Variants in SLC14A2 observed in about 807,000 individuals in gnomAD.
SLC14A2 encodes the protein solute carrier family 14 member 2, also known as urea transporter 2.
In SLC14A2, 91 loss-of-function variants were observed where a neutral mutation model predicts 104.6. That is an observed-to-expected ratio of 0.87 (90% CI 0.73 to 1.04). The LOEUF (loss-of-function observed/expected upper bound fraction) is 1.04, where lower values mean the gene tolerates loss of function less well. Ranked by LOEUF, SLC14A2 falls within the 50% of genes least tolerant of loss-of-function variation. The pLI, the probability that SLC14A2 is intolerant of heterozygous loss-of-function variation, is 0.00. For synonymous variants in SLC14A2, 476 were observed against 466.4 expected (o/e 1.02, Z -0.27); for missense variants, 1,189 against 1,156.0 (o/e 1.03, Z -0.41).
Position 45,672,993 on chromosome 18 carries a change from T to G in SLC14A2, c.2323T>G (p.Ser775Ala). The G allele has an allele frequency of 6.2e-7, 1 of 1,614,152 alleles. No homozygotes were observed. The highest frequency in any genetic ancestry group is 1.1e-5 in the South Asian group (1 of 91,082). ...GIFLIALFIS[S>A]PLICLHAAIG... ...CTTCCTCATAGCTCTGTTCATATCCTCACCTCTCATTTGCTTGCATGCAGC... is the reference window on the plus strand; with the variant it reads ...CTTCCTCATAGCTCTGTTCATATCCGCACCTCTCATTTGCTTGCATGCAGC... The change falls in exon 17 of 20, where the codon TCA becomes GCA. Residue 775 changes from serine to alanine, a missense_variant. Coordinates refer to ENST00000255226, the MANE Select transcript of SLC14A2 (RefSeq NM_007163.4).
intron 1 of SLC14A2, among the ~76,000 whole-genome samples, chr18:45,224,229 C>T (rs972928290): frequency 2.6e-5 from 4 of 152,190 alleles, no homozygotes; most frequent in Admixed American, 6.5e-5. Flanking sequence ...GCTGCCCAGC[C>T]GTAGGCTGCT....
chr18:45,273,478 A>G (rs111559697), intron 1 of SLC14A2, among the ~76,000 whole-genome samples: 9 of 152,280 alleles, frequency 5.9e-5, no homozygotes, highest in African/African-American at 1.9e-4. Flanking sequence ...AGAATTTCCC[A>G]GGAGAAAAGC....
chr18:45,508,851 G>GCC lies in SLC14A2; in HGVS notation c.-35+25529_-35+25530insCC, dbSNP rs1214080897. Among the ~76,000 whole-genome samples the GCC allele has an allele frequency of 6.8e-4, 103 of 152,294 alleles. 1 individual carries two copies. Among genetic ancestry groups the GCC allele is most frequent in the African/African-American group, 2.3e-3 (95 of 41,564 alleles). ...CCTACTCCAGGGAATTAACAAACTG[G>GCC]TCTTGCAAATGAGACAAAAATATGT... On this transcript the variant is annotated intron_variant, in intron 2 of 20. Coordinates refer to the SLC14A2 transcript ENST00000586448.
intron 2 of SLC14A2, among the ~76,000 whole-genome samples, chr18:45,521,222 C>T (rs1003537970): frequency 6.6e-6 from 1 of 152,240 alleles, no homozygotes; most frequent in Non-Finnish European, 1.5e-5. Context: ...GCTTCTACAT[C>T]ATCTTGATTA....
chr18:45,405,766 G>A (rs2086147546), intron 1 of SLC14A2, among the ~76,000 whole-genome samples: 1 of 151,978 alleles, frequency 6.6e-6, no homozygotes, highest in African/African-American at 2.4e-5. Flanking sequence ...GGGCATTGTG[G>A]CACACACCTG....
the SLC14A2 span, among the ~76,000 whole-genome samples, chr18:45,205,686 T>C: frequency 6.6e-6 from 1 of 152,238 alleles, no homozygotes; most frequent in Non-Finnish European, 1.5e-5. Context: ...TTTAGAAATC[T>C]TTTCTGTTTT....
chr18:45,288,730 G>A lies in SLC14A2; in HGVS notation c.-125+75539G>A, dbSNP rs8082952. Among the ~76,000 whole-genome samples, 405 of 152,274 alleles carry A rather than the reference G, an allele frequency of 2.7e-3. 3 individuals carry two copies. Among genetic ancestry groups the A allele is most frequent in the African/African-American group, 9.3e-3 (385 of 41,526 alleles). The stretch of plus-strand genomic sequence containing the variant: ...ATAATTCTTCAGTGACTGACAGAGC[G>A]TCATTCTGCAAGTGCAGACAACCTG... On this transcript the variant is annotated intron_variant, in intron 1 of 20. Coordinates refer to the SLC14A2 transcript ENST00000586448.
intron 4 of SLC14A2, among the ~76,000 whole-genome samples, chr18:45,627,703 G>A (rs879625682): frequency 3.9e-5 from 6 of 152,144 alleles, no homozygotes; most frequent in Admixed American, 2.6e-4. Context: ...ACTGGCTGGT[G>A]CAAAGTCAAG....
intron 2 of SLC14A2, chr18:45,515,511 A>G (rs1044350393): frequency 4.6e-5 from 7 of 152,244 alleles, no homozygotes; most frequent in African/African-American, 1.7e-4. Flanking sequence ...GGGCACCAGG[A>G]GACACAATGC....
intron 8 of SLC14A2, among the ~76,000 whole-genome samples, chr18:45,641,830 A>G (rs2045533477): frequency 6.6e-6 from 1 of 152,242 alleles, no homozygotes. Flanking sequence ...TACCAGGAGC[A>G]CTAAAAATCA....
intron 1 of SLC14A2, among the ~76,000 whole-genome samples, chr18:45,338,871 T>A (rs774111744): frequency 6.6e-6 from 1 of 152,064 alleles, no homozygotes; most frequent in Admixed American, 6.5e-5. Flanking sequence ...AGGGGACCGA[T>A]TGGGTTCCTA....
Position 45,643,066 on chromosome 18 carries a change from GC to G in SLC14A2, c.1127-65del, listed in dbSNP as rs990638938. ...GTTCTTGGTCTGGGCTCCCTGGTCT[GC>G]AATGGCAGTGGCTTAGGGGGAAGGC... On this transcript the variant is annotated intron_variant, in intron 8 of 19. Coordinates refer to ENST00000255226, the MANE Select transcript of SLC14A2 (RefSeq NM_007163.4). 6.5e-5 allele frequency: 96 copies of G among 1,476,198 alleles called. No individual in the cohort carries two copies. The African/African-American group carries it at 1.0e-3, about 16-fold the overall frequency. 91.4% of individuals were successfully genotyped at this position (1,476,198 alleles called of 1,614,324 possible).
the SLC14A2 span, among the ~76,000 whole-genome samples, chr18:45,207,369 AAAG>A: frequency 6.8e-6 from 1 of 147,708 alleles, no homozygotes; most frequent in Non-Finnish European, 1.5e-5. Flanking sequence ...AGGGAGGGGA[AAAG>A]AAGGAAGGAA....
upstream of SLC14A2, among the ~76,000 whole-genome samples, chr18:45,209,663 A>T (rs1006967909): frequency 6.6e-6 from 1 of 152,132 alleles, no homozygotes; most frequent in African/African-American, 2.4e-5. Context: ...TCTAATGTGT[A>T]ACCTTGGACT....
At chr18:45,381,354 T>C (rs1443752061) in intron 1 of SLC14A2, among the ~76,000 whole-genome samples, 1 of 152,218 alleles carries the variant, frequency 6.6e-6, no homozygotes, top group African/African-American at 2.4e-5. Context: ...AACAAACATA[T>C]CTTTGACCAA....
intron 1 of SLC14A2, among the ~76,000 whole-genome samples, chr18:45,447,890 T>A (rs1284067195): frequency 6.6e-6 from 1 of 152,250 alleles, no homozygotes; most frequent in Non-Finnish European, 1.5e-5. Context: ...AATTACCACT[T>A]CAGTGAGCCC....
chr18:45,494,072 G>A (rs1367485562), intron 2 of SLC14A2, among the ~76,000 whole-genome samples: 1 of 152,222 alleles, frequency 6.6e-6, no homozygotes, highest in African/African-American at 2.4e-5. Flanking sequence ...AGGGTAGAAA[G>A]TGGTTGTACC....
intron 1 of SLC14A2, among the ~76,000 whole-genome samples, chr18:45,406,256 T>C (rs996103634): frequency 1.3e-5 from 2 of 152,204 alleles, no homozygotes; most frequent in Admixed American, 6.5e-5. Flanking sequence ...TAGGAGTAGA[T>C]TCCATCTCAA....
chr18:45,618,439 C>A (rs753576497), intron 1 of SLC14A2, among the ~76,000 whole-genome samples: 1 of 151,936 alleles, frequency 6.6e-6, no homozygotes, highest in African/African-American at 2.4e-5. Flanking sequence ...GAGGCCCAGG[C>A]CAGTGGATTA....
Sources: allele counts gnomAD v4.1 joint callset (sites outside exome capture counted in the v4.1 genomes callset), GRCh38; gene constraint gnomAD v4.1.1; transcripts MANE v1.5; gene names NCBI Gene and HGNC (gene_info 2026-07-23, HGNC 2026-07-21).